PDE4D: variants seen among roughly 807,000 people sequenced by gnomAD.
PDE4D encodes the protein phosphodiesterase 4D.
PDE4D carries 24 observed loss-of-function variants against 87.4 expected under a neutral mutation model. The ratio of observed to expected loss-of-function variants is 0.27; its 90% CI spans 0.20 to 0.39. The LOEUF (loss-of-function observed/expected upper bound fraction) is 0.39, where lower values mean the gene tolerates loss of function less well. Among genes scored for constraint, PDE4D ranks in the 10% least tolerant of loss-of-function variants. PDE4D has a pLI of 1.00. For missense variants in PDE4D, 714 were observed against 1,041.0 expected (o/e 0.69, Z 4.32); for synonymous variants, 384 against 383.2 (o/e 1.00, Z -0.02).
intron 1 of PDE4D, among the ~76,000 whole-genome samples, chr5:59,815,307 T>C (rs965190318): frequency 3.9e-5 from 6 of 152,144 alleles, no homozygotes; most frequent in African/African-American, 1.2e-4. Context: ...TGAAAACATT[T>C]CAGAACTCAC....
intron 6 of PDE4D, among the ~76,000 whole-genome samples, chr5:59,031,978 C>A (rs1248278758): frequency 6.6e-6 from 1 of 151,140 alleles, no homozygotes; most frequent in Non-Finnish European, 1.5e-5. Flanking sequence ...TCAAACAGTA[C>A]AAAATTTCAG....
chr5:58,977,381 CTG>C, intron 11 of PDE4D, 36 bp from the exon 12 acceptor site: 1 of 1,582,692 alleles, frequency 6.3e-7, no homozygotes, highest in Admixed American at 1.9e-5. Context: ...ATCAGCAAAA[CTG>C]TTTGTGAGAA....
intron 1 of PDE4D, among the ~76,000 whole-genome samples, chr5:60,259,172 A>G (rs1749393212): frequency 6.6e-6 from 1 of 152,082 alleles, no homozygotes; most frequent in Non-Finnish European, 1.5e-5. Context: ...CTAGGTATCA[A>G]TGGAGAAATA....
chr5:59,086,257 G>A (rs1018371926), intron 5 of PDE4D, among the ~76,000 whole-genome samples: 1 of 152,082 alleles, frequency 6.6e-6, no homozygotes, highest in African/African-American at 2.4e-5. Context: ...TAAATCTGAT[G>A]TCACTCTTTG....
At chr5:60,223,982 G>A (rs563830184) in intron 1 of PDE4D, among the ~76,000 whole-genome samples, 8 of 152,170 alleles carry the variant, frequency 5.3e-5, no homozygotes, top group African/African-American at 1.9e-4. Flanking sequence ...CTAAGACTTA[G>A]AGAGTAAGTG....
intron 3 of PDE4D, among the ~76,000 whole-genome samples, chr5:59,985,208 G>A (rs62371491): frequency 0.36 from 51,662 of 144,854 alleles, 10,672 homozygotes; most frequent in East Asian, 0.73. Context: ...GCGTAATCTC[G>A]GCTCACTGCA....
chr5:60,079,113 T>C (rs1006753865), intron 2 of PDE4D, among the ~76,000 whole-genome samples: 1 of 152,252 alleles, frequency 6.6e-6, no homozygotes, highest in Non-Finnish European at 1.5e-5. Flanking sequence ...ATAGTGGTTT[T>C]GATTTGCATT....
chr5:59,259,885 C>T (rs1445212321), intron 1 of PDE4D, among the ~76,000 whole-genome samples: 1 of 151,892 alleles, frequency 6.6e-6, no homozygotes, highest in Admixed American at 6.6e-5. Flanking sequence ...AATTTCTTCT[C>T]TCCGTCGGTC....
At chr5:59,073,505 G>GGT (rs1230715393) in intron 5 of PDE4D, among the ~76,000 whole-genome samples, 3 of 134,428 alleles carry the variant, frequency 2.2e-5, no homozygotes, top group African/African-American at 8.2e-5. Flanking sequence ...TAAAGTGGGG[G>GGT]GCGGGGGGGG....
intron 1 of PDE4D, among the ~76,000 whole-genome samples, chr5:59,699,350 G>C (rs1386424482): frequency 6.6e-6 from 1 of 151,980 alleles, no homozygotes; most frequent in Non-Finnish European, 1.5e-5. Flanking sequence ...ACAATTAAAA[G>C]AAAAATAATA....
chr5:60,266,317 CATAG>C (rs1320845244), intron 1 of PDE4D, among the ~76,000 whole-genome samples: 3 of 152,130 alleles, frequency 2.0e-5, no homozygotes, highest in Non-Finnish European at 4.4e-5. Context: ...TCTGGAGAGA[CATAG>C]ATAGTGGAAT....
intron 2 of PDE4D, among the ~76,000 whole-genome samples, chr5:60,131,092 C>T (rs1430723556): frequency 6.6e-6 from 1 of 152,154 alleles, no homozygotes; most frequent in Non-Finnish European, 1.5e-5. Flanking sequence ...TTTCCAAAAC[C>T]TCATTCACAC....
At chr5:59,974,190 A>C (rs938489190) in intron 3 of PDE4D, among the ~76,000 whole-genome samples, 76 of 152,170 alleles carry the variant, frequency 5.0e-4, no homozygotes, top group Non-Finnish European at 9.4e-4. Flanking sequence ...CAGCATGACG[A>C]ACTGGAATAA....
chr5:59,967,941 T>C (rs1251715985), intron 3 of PDE4D, among the ~76,000 whole-genome samples: 2 of 151,740 alleles, frequency 1.3e-5, no homozygotes, highest in Non-Finnish European at 2.9e-5. Flanking sequence ...ATCATGTCTT[T>C]TGCAGCAACA....
intron 3 of PDE4D, among the ~76,000 whole-genome samples, chr5:59,968,350 TTA>T (rs988506310): frequency 2.1e-4 from 32 of 152,036 alleles, no homozygotes; most frequent in Admixed American, 2.0e-3. Flanking sequence ...ACATTCTCAC[TTA>T]TAAGTGAGAG....
At chr5:59,278,234 C>G (rs1765186584) in intron 1 of PDE4D, among the ~76,000 whole-genome samples, 1 of 151,966 alleles carries the variant, frequency 6.6e-6, no homozygotes, top group South Asian at 2.1e-4. Flanking sequence ...ATCTAAGCAT[C>G]CTGTAGTTTT....
intron 12 of PDE4D, among the ~76,000 whole-genome samples, 173 bp downstream of exon 12, chr5:58,977,018 A>G (rs1262012098): frequency 6.6e-6 from 1 of 152,172 alleles, no homozygotes; most frequent in Admixed American, 6.5e-5. Flanking sequence ...CTAGAAGTGA[A>G]AAACCTATTA....
chr5:59,689,226 C>T (rs1482292439), intron 1 of PDE4D, among the ~76,000 whole-genome samples: 5 of 152,114 alleles, frequency 3.3e-5, no homozygotes, highest in Non-Finnish European at 4.4e-5. Context: ...TTTATAAGGC[C>T]AGCATTATCC....
At chr5:59,929,527 T>C (rs796995310) in intron 3 of PDE4D, among the ~76,000 whole-genome samples, 1 of 152,280 alleles carries the variant, frequency 6.6e-6, no homozygotes, top group African/African-American at 2.4e-5. Context: ...AAAATTGGTT[T>C]GCTCTTTATC....
Sources: allele counts gnomAD v4.1 joint callset (sites outside exome capture counted in the v4.1 genomes callset), GRCh38; gene constraint gnomAD v4.1.1; transcripts MANE v1.5; gene names NCBI Gene and HGNC (gene_info 2026-07-23, HGNC 2026-07-21).